Variants in ASIC2 observed in about 807,000 individuals in gnomAD.
ASIC2 encodes the protein acid sensing ion channel subunit 2.
ASIC2 carries 25 observed loss-of-function variants against 57.3 expected under a neutral mutation model. The observed-to-expected ratio is 0.44, with a 90% CI of 0.32 to 0.61. The LOEUF (loss-of-function observed/expected upper bound fraction) is 0.61, where lower values mean the gene tolerates loss of function less well. Among genes scored for constraint, ASIC2 ranks in the 20% least tolerant of loss-of-function variants. ASIC2 has a pLI of 0.06. For missense variants in ASIC2, 641 were observed against 738.1 expected (o/e 0.87, Z 1.52); for synonymous variants, 319 against 307.5 (o/e 1.04, Z -0.39).
chr17:33,886,516 C>T (rs970087351), intron 1 of ASIC2, among the ~76,000 whole-genome samples: 2 of 152,112 alleles, frequency 1.3e-5, no homozygotes, highest in Admixed American at 6.6e-5. Flanking sequence ...AACACACACA[C>T]ATATACACAC....
chr17:33,704,415 G>A (rs936510055), intron 1 of ASIC2, among the ~76,000 whole-genome samples: 5 of 152,304 alleles, frequency 3.3e-5, no homozygotes, highest in Middle Eastern at 3.4e-3. Context: ...CATGACTCCT[G>A]TAAAGGGAGT....
intron 3 of ASIC2, among the ~76,000 whole-genome samples, chr17:33,055,268 C>T (rs1269891676): frequency 6.6e-6 from 1 of 152,146 alleles, no homozygotes. Context: ...CCTTGGGTGT[C>T]CCCCACTCAG....
chr17:33,888,795 T>A (rs562956772), intron 1 of ASIC2, among the ~76,000 whole-genome samples: 1 of 152,232 alleles, frequency 6.6e-6, no homozygotes, highest in South Asian at 2.1e-4. Context: ...AATATGGGGC[T>A]GTGAGTGGAG....
intron 1 of ASIC2, among the ~76,000 whole-genome samples, chr17:33,479,428 G>A (rs1221013363): frequency 6.6e-6 from 1 of 152,200 alleles, no homozygotes; most frequent in Non-Finnish European, 1.5e-5. Flanking sequence ...TTGTGGCCAT[G>A]TGTGGCCCCA....
At chr17:33,069,606 T>C (rs755448608) in intron 3 of ASIC2, among the ~76,000 whole-genome samples, 17 of 152,344 alleles carry the variant, frequency 1.1e-4, no homozygotes, top group Non-Finnish European at 1.9e-4. Context: ...TTGTCCCTGG[T>C]GATATTATTT....
intron 1 of ASIC2, among the ~76,000 whole-genome samples, chr17:33,359,332 G>A (rs2141929783): frequency 6.6e-6 from 1 of 152,318 alleles, no homozygotes; most frequent in African/African-American, 2.4e-5. Context: ...TATTGGGTAT[G>A]GTCTAGCTTT....
chr17:33,957,336 G>A (rs1240413289), intron 1 of ASIC2, among the ~76,000 whole-genome samples: 1 of 152,208 alleles, frequency 6.6e-6, no homozygotes, highest in East Asian at 1.9e-4. Context: ...GACTGGAGTT[G>A]AAGGTCTCTT....
chr17:33,471,967 C>T (rs1351327497), intron 1 of ASIC2, among the ~76,000 whole-genome samples: 1 of 151,538 alleles, frequency 6.6e-6, no homozygotes, highest in Admixed American at 6.6e-5. Context: ...GCAACTCACT[C>T]AAGGTCTTAC....
At chr17:33,151,708 C>T (rs1904806438) in intron 1 of ASIC2, among the ~76,000 whole-genome samples, 1 of 152,218 alleles carries the variant, frequency 6.6e-6, no homozygotes, top group Non-Finnish European at 1.5e-5. Flanking sequence ...TGCTCCCTCT[C>T]ATGTGTGCTC....
chr17:33,131,905 G>T (rs1015884110), intron 1 of ASIC2, among the ~76,000 whole-genome samples: 1 of 152,136 alleles, frequency 6.6e-6, no homozygotes, highest in Non-Finnish European at 1.5e-5. Context: ...GACACACAGT[G>T]GGGAGGGGAA....
intron 3 of ASIC2, among the ~76,000 whole-genome samples, chr17:33,078,321 TG>T (rs2092098032): frequency 6.6e-6 from 1 of 152,238 alleles, no homozygotes; most frequent in African/African-American, 2.4e-5. Context: ...GGACCCAGGC[TG>T]GGGCTGCCAT....
chr17:33,330,759 T>C (rs1907280849), intron 1 of ASIC2, among the ~76,000 whole-genome samples: 1 of 152,176 alleles, frequency 6.6e-6, no homozygotes, highest in Non-Finnish European at 1.5e-5. Flanking sequence ...ATGGGTTTAT[T>C]CTATTTCATA....
At position 33,013,644 on chromosome 17, in the gene ASIC2, CAG is replaced by C. The variant is rs2091789967; in HGVS notation, c.*319_*320del. 1.1e-5 allele frequency: 4 copies of C among 360,702 alleles called. No homozygotes were observed. The Admixed American group carries it at 1.5e-4, about 14-fold the overall frequency. 22.3% of individuals were successfully genotyped at this position (360,702 alleles called of 1,614,324 possible). A position where few individuals can be genotyped will look rare whatever the true frequency, so the allele number is the denominator to read the frequency against. ...GCGTGGAGGAGTGTCATGTACAAGA[CAG>C]ACGTGGAGGTGGCGCCACAAGAAGT... On this transcript the variant is annotated 3_prime_UTR_variant, in exon 10 of 10. Coordinates refer to ENST00000225823, the MANE Select transcript of ASIC2 (RefSeq NM_183377.2).
chr17:34,102,285 G>A lies in ASIC2; in HGVS notation c.555+53693C>T, dbSNP rs372416948. Among the ~76,000 whole-genome samples, 6 of 152,064 alleles carry A rather than the reference G, an allele frequency of 3.9e-5. No homozygotes were observed. In the South Asian group the frequency reaches 8.3e-4, roughly 21 times the overall value. On this transcript the variant is annotated intron_variant, in intron 1 of 9. Transcript: ENST00000359872. ...GCAGAGGTTGCAGTGAGCTGAGATC[G>A]CCCCACTGCACTCCAGCCTAGGTGA...
intron 1 of ASIC2, among the ~76,000 whole-genome samples, chr17:34,058,190 A>G (rs1023866280): frequency 1.2e-4 from 19 of 152,340 alleles, no homozygotes; most frequent in Admixed American, 1.2e-3. Flanking sequence ...TCGGTTCTGT[A>G]CATGTCATCT....
At chr17:34,028,091 C>T (rs545063597) in intron 1 of ASIC2, among the ~76,000 whole-genome samples, 39 of 152,228 alleles carry the variant, frequency 2.6e-4, no homozygotes, top group South Asian at 1.2e-3. Flanking sequence ...GAATATAGTA[C>T]GTAGGTAATC....
At chr17:33,827,374 A>T (rs8071630) in intron 1 of ASIC2, among the ~76,000 whole-genome samples, 1 of 135,754 alleles carries the variant, frequency 7.4e-6, no homozygotes, top group Admixed American at 7.6e-5. Context: ...CTCTGTCACC[A>T]AGGCTGGAGT....
At chr17:33,397,709 C>T (rs894403806) in intron 1 of ASIC2, among the ~76,000 whole-genome samples, 4 of 152,162 alleles carry the variant, frequency 2.6e-5, no homozygotes, top group Non-Finnish European at 4.4e-5. Context: ...TCTTCAGCCT[C>T]CCATCACCCC....
In ASIC2 at chr17:33,027,691, G is replaced by A. The variant is rs575583722; in HGVS notation, c.1138+551C>T. Among the ~76,000 whole-genome samples the A allele has an allele frequency of 3.6e-4, 55 of 152,280 alleles. No homozygotes were observed. In the South Asian group the frequency reaches 9.5e-3, roughly 26 times the overall value. The stretch of plus-strand genomic sequence containing the variant: ...TCATGTGTCCTTGCTGCAACACTGC[G>A]CTCTTCCTCCCCAGATCAGCTTTCC... On this transcript the variant is annotated intron_variant, in intron 4 of 9. Transcript: ENST00000225823.
Sources: allele counts gnomAD v4.1 joint callset (sites outside exome capture counted in the v4.1 genomes callset), GRCh38; gene constraint gnomAD v4.1.1; transcripts MANE v1.5; gene names NCBI Gene and HGNC (gene_info 2026-07-23, HGNC 2026-07-21).